Variants in TMEM236 observed in about 807,000 individuals in gnomAD.
TMEM236 encodes the protein family with sequence similarity 23, member A.
TMEM236 carries 11 observed loss-of-function variants against 14.7 expected under a neutral mutation model. The ratio of observed to expected loss-of-function variants is 0.75; its 90% CI spans 0.47 to 1.24. TMEM236 has a LOEUF of 1.24. Ranked by LOEUF, TMEM236 falls within the 50% of genes most tolerant of loss-of-function variation. The pLI is 0.00. For missense variants in TMEM236, 464 were observed against 427.3 expected (o/e 1.09, Z -0.76); for synonymous variants, 182 against 168.6 (o/e 1.08, Z -0.62).
chr10:17,779,168 T>G (rs1837707899), intron 3 of TMEM236, among the ~76,000 whole-genome samples: 1 of 152,170 alleles, frequency 6.6e-6, no homozygotes, highest in East Asian at 1.9e-4. Flanking sequence ...CTGAATCCCA[T>G]GTATTAACGC....
intron 1 of TMEM236, among the ~76,000 whole-genome samples, chr10:17,756,622 G>A (rs1025116333): frequency 1.1e-4 from 17 of 152,300 alleles, no homozygotes; most frequent in South Asian, 6.2e-4. Context: ...TGAGTTTATC[G>A]TTATTATTGC....
In TMEM236 at chr10:17,797,597, T is replaced by C. The variant is rs1266886033; in HGVS notation, c.*1093T>C. The C allele has an allele frequency of 2.0e-5, 3 of 152,194 alleles. No individual in the cohort carries two copies. Among genetic ancestry groups the C allele is most frequent in the Non-Finnish European group, 4.4e-5 (3 of 68,036 alleles). The allele number at this position is 152,194 out of a possible 1,614,324, so 9.4% of individuals were successfully genotyped here. On this transcript the variant is annotated 3_prime_UTR_variant, in exon 4 of 4. Transcript: ENST00000377495. ...TGTGAGCCACCACGCCCGGCTGGAT[T>C]ATACTTTTTAAAAATTTGAAAATTG... is the stretch of plus-strand genomic sequence containing the variant.
At chr10:17,786,426 A>G (rs997456348) in intron 3 of TMEM236, among the ~76,000 whole-genome samples, 5 of 152,156 alleles carry the variant, frequency 3.3e-5, no homozygotes, top group African/African-American at 4.8e-5. Context: ...TGCCACGATC[A>G]CAGTGCACTG....
chr10:17,761,305 CAACCTTCACCCACT>C (rs1426627780), intron 1 of TMEM236, among the ~76,000 whole-genome samples: 11 of 152,150 alleles, frequency 7.2e-5, no homozygotes, highest in Admixed American at 3.3e-4. Context: ...TGGGCTCTGG[CAACCTTCACCCACT>C]GGTCTTCTTG....
rs1181734908 is a variant in TMEM236, at chr10:17,768,085, G to GTTTTTTTTTTTTTTTTTTTTTT, written c.258-3224_258-3223insTTTTTTTTTTTTTTTTTTTTTT. On this transcript the variant is annotated intron_variant, in intron 1 of 3. Transcript: ENST00000377495. ...ACCACCACACCTCGCTAATTTTTGT[G>GTTTTTTTTTTTTTTTTTTTTTT]GTTTTTTTTTTTTTTTTTTTTTTGT... Among the ~76,000 whole-genome samples the GTTTTTTTTTTTTTTTTTTTTTT allele has an allele frequency of 7.2e-4, 71 of 98,820 alleles. 14 individuals are homozygous for GTTTTTTTTTTTTTTTTTTTTTT. The highest frequency in any genetic ancestry group is 2.1e-3 in the African/African-American group (53 of 24,812). The allele number at this position is 98,820 out of a possible 152,430, so 64.8% of individuals were successfully genotyped here. A position where few individuals can be genotyped will look rare whatever the true frequency, so the allele number is the denominator to read the frequency against.
chr10:17,794,622 A>G (rs1035941778), intron 3 of TMEM236, among the ~76,000 whole-genome samples: 2,178 of 152,282 alleles, frequency 0.014, 24 homozygotes, highest in Non-Finnish European at 0.023. Flanking sequence ...GACCATGGCC[A>G]CAGAAGAGAT....
intron 1 of TMEM236, among the ~76,000 whole-genome samples, chr10:17,761,649 G>A (rs897638200): frequency 4.1e-5 from 6 of 146,692 alleles, no homozygotes; most frequent in East Asian, 2.0e-4. Flanking sequence ...AGCTGAGATC[G>A]TGCCACTGCA....
rs1272105998 is a variant in TMEM236 at position 17,770,334 on chromosome 10, C to T, written c.258-975C>T. On this transcript the variant is annotated intron_variant, in intron 1 of 3. Transcript: ENST00000377495. ...TTTGAGCAGGTATCTTTTCTTGTCC[C>T]ATAAATTAAGGATGCTAAACATACA... is the stretch of plus-strand genomic sequence containing the variant. Among the ~76,000 whole-genome samples, 20 of 152,160 alleles carry T rather than the reference C, an allele frequency of 1.3e-4. 2 individuals carry two copies. Among genetic ancestry groups the T allele is most frequent in the African/African-American group, 4.3e-4 (18 of 41,510 alleles).
chr10:17,756,130 G>T (rs1387089867), intron 1 of TMEM236, among the ~76,000 whole-genome samples: 6 of 152,100 alleles, frequency 3.9e-5, no homozygotes, highest in Non-Finnish European at 7.4e-5. Context: ...AGCAGGATGT[G>T]GTGGTGCACG....
At chr10:17,783,971 G>C (rs1456529217) in intron 3 of TMEM236, among the ~76,000 whole-genome samples, 1 of 150,926 alleles carries the variant, frequency 6.6e-6, no homozygotes, top group Admixed American at 6.6e-5. Flanking sequence ...GCTGATTCAT[G>C]AGTTCTATAA....
intron 1 of TMEM236, 148 bp from the exon 2 acceptor site, chr10:17,771,161 C>A: frequency 1.3e-6 from 1 of 742,226 alleles, no homozygotes; most frequent in Non-Finnish European, 2.4e-6. Context: ...TTGCCATATG[C>A]AAACATTTGG....
chr10:17,796,854 C>A lies in TMEM236; in HGVS notation c.*350C>A. 1 of 304,358 alleles carries A rather than the reference C, an allele frequency of 3.3e-6. No individual in the cohort carries two copies. The highest frequency in any genetic ancestry group is 3.4e-5 in the South Asian group (1 of 29,406). 18.9% of individuals were successfully genotyped at this position (304,358 alleles called of 1,614,324 possible). On this transcript the variant is annotated 3_prime_UTR_variant, in exon 4 of 4. Transcript: ENST00000377495. ...AGACCGCACAGCACGTGGTGAACCT[C>A]AAACTGAGCGTTCCCGCCTGCATTC... is the stretch of plus-strand genomic sequence containing the variant.
At chr10:17,776,834 T>G (rs1837665065) in intron 3 of TMEM236, among the ~76,000 whole-genome samples, 2 of 152,242 alleles carry the variant, frequency 1.3e-5, no homozygotes, top group Non-Finnish European at 2.9e-5. Flanking sequence ...AGTGATGAGT[T>G]GAAACTAAAT....
At chr10:17,764,824 T>G (rs1837434402) in intron 1 of TMEM236, among the ~76,000 whole-genome samples, 1 of 141,614 alleles carries the variant, frequency 7.1e-6, no homozygotes, top group Non-Finnish European at 1.5e-5. Flanking sequence ...GCATGTCTGT[T>G]TTCAGATTTT....
chr10:17,774,398 A>G (rs947861596), intron 2 of TMEM236, among the ~76,000 whole-genome samples: 121 of 152,284 alleles, frequency 7.9e-4, no homozygotes, highest in African/African-American at 2.6e-3. Flanking sequence ...TTAGATTCAC[A>G]ATACATCTGG....
At chr10:17,788,720 C>G (rs1442325045) in intron 3 of TMEM236, among the ~76,000 whole-genome samples, 3 of 151,842 alleles carry the variant, frequency 2.0e-5, no homozygotes, top group African/African-American at 7.3e-5. Flanking sequence ...TATTTATTGT[C>G]AGATTTACAC....
intron 1 of TMEM236, among the ~76,000 whole-genome samples, chr10:17,757,474 C>T (rs1837300137): frequency 6.6e-6 from 1 of 151,860 alleles, no homozygotes; most frequent in African/African-American, 2.4e-5. Flanking sequence ...TGGTACGTGA[C>T]TGTAGTCTCA....
At position 17,784,513 on chromosome 10, in the gene TMEM236, T is replaced by C. The variant is rs930631485; in HGVS notation, c.472+8343T>C. Among the ~76,000 whole-genome samples the C allele has an allele frequency of 4.9e-3, 750 of 152,308 alleles. 6 individuals carry two copies. The highest frequency in any genetic ancestry group is 0.017 in the African/African-American group (714 of 41,558). On this transcript the variant is annotated intron_variant, in intron 3 of 3. Coordinates refer to ENST00000377495, the MANE Select transcript of TMEM236 (RefSeq NM_001098844.3). ...TCATTGAGTGACCCTGATTTATATC[T>C]CTAATTAAGAGCAGTGCTTCTCATC...
intron 1 of TMEM236, among the ~76,000 whole-genome samples, chr10:17,768,086 G>GTGTTTTTTTTTTTTTT (rs1837500427): frequency 2.2e-5 from 2 of 92,022 alleles, no homozygotes; most frequent in Non-Finnish European, 4.3e-5. Flanking sequence ...AATTTTTGTG[G>GTGTTTTTTTTTTTTTT]TTTTTTTTTT....
Sources: allele counts gnomAD v4.1 joint callset (sites outside exome capture counted in the v4.1 genomes callset), GRCh38; gene constraint gnomAD v4.1.1; transcripts MANE v1.5; gene names NCBI Gene and HGNC (gene_info 2026-07-23, HGNC 2026-07-21).